The following APC variants were observed in gnomAD, a reference collection of about 807,000 sequenced individuals.
APC encodes adenomatous polyposis coli protein.
A neutral mutation model predicts 247.0 loss-of-function variants in APC; 72 were observed. That is an observed-to-expected ratio of 0.29 (90% CI 0.24 to 0.35). The LOEUF (loss-of-function observed/expected upper bound fraction) is 0.35, where lower values mean the gene tolerates loss of function less well. Among genes scored for constraint, APC ranks in the 10% least tolerant of loss-of-function variants. APC has a pLI of 1.00. For missense variants in APC, 3,400 were observed against 3,360.7 expected, an observed-to-expected ratio of 1.01 and a Z score of -0.29; for synonymous variants, 1,254 against 1,162.5, an observed-to-expected ratio of 1.08 and a Z score of -1.60.
chr5:112,828,712 G>C (rs577297551), intron 13 of APC, 144 bp from the exon 14 acceptor site: 2 of 613,988 alleles, frequency 3.3e-6, no homozygotes, highest in Admixed American at 5.2e-5. Flanking sequence ...GCCTCCCAAA[G>C]TGATAGGATT....
chr5:112,837,535 C>T lies in APC; in HGVS notation c.1959-18C>T, dbSNP rs766663675. 1 of 1,594,120 alleles carries T rather than the reference C, an allele frequency of 6.3e-7. No homozygotes were observed. Among genetic ancestry groups the T allele is most frequent in the Non-Finnish European group, 8.6e-7 (1 of 1,162,414 alleles). ...CACATTGTGACCTTAATTTTGTGAT[C>T]TCTTGATTTTATTTCAGGCAAATCC... On this transcript the variant is annotated intron_variant, in intron 15 of 15. Transcript: ENST00000257430.
chr5:112,831,935 T>C (rs1764345373), intron 14 of APC, among the ~76,000 whole-genome samples: 2 of 152,348 alleles, frequency 1.3e-5, no homozygotes, highest in East Asian at 3.9e-4. Flanking sequence ...GACAGTTGAC[T>C]TTGACTTGCT....
chr5:112,801,505 C>G (rs1760825894), intron 8 of APC, 122 bp downstream of exon 8: 4 of 697,254 alleles, frequency 5.7e-6, no homozygotes, highest in South Asian at 5.3e-5. Flanking sequence ...ATGCATATTT[C>G]CAGAAGCATT....
At chr5:112,759,424 C>G (rs894756323) in intron 2 of APC, among the ~76,000 whole-genome samples, 2 of 134,748 alleles carry the variant, frequency 1.5e-5, no homozygotes, top group African/African-American at 5.7e-5. Context: ...GTGACATGAT[C>G]TTGGCTGTCT....
Position 112,845,492 on chromosome 5 carries a change from A to T in APC, c.*1366A>T. ...ACATGAACACTTTTTATCACCCTGTATGTTAGGGCAAGATCTCAGCAGTGA... is the reference window on the plus strand; with the variant it reads ...ACATGAACACTTTTTATCACCCTGTTTGTTAGGGCAAGATCTCAGCAGTGA... On this transcript the variant is annotated 3_prime_UTR_variant, in exon 16 of 16. Transcript: ENST00000257430. 1 of 233,290 alleles carries T rather than the reference A, an allele frequency of 4.3e-6. No homozygotes were observed. Among genetic ancestry groups the T allele is most frequent in the Non-Finnish European group, 8.5e-6 (1 of 117,782 alleles). 14.5% of individuals were successfully genotyped at this position (233,290 alleles called of 1,614,324 possible).
At chr5:112,782,710 T>C (rs1429893433) in intron 6 of APC, among the ~76,000 whole-genome samples, 1 of 152,184 alleles carries the variant, frequency 6.6e-6, no homozygotes, top group African/African-American at 2.4e-5. Flanking sequence ...GTTTCTGATA[T>C]TAGAGTAGGA....
intron 4 of APC, among the ~76,000 whole-genome samples, chr5:112,770,209 G>A (rs1756886171): frequency 6.6e-6 from 1 of 152,130 alleles, no homozygotes; most frequent in African/African-American, 2.4e-5. Context: ...TAATAAAAAT[G>A]TTCTTAGTTT....
At chr5:112,803,623 G>C (rs1216208535) in intron 8 of APC, among the ~76,000 whole-genome samples, 1 of 152,020 alleles carries the variant, frequency 6.6e-6, no homozygotes, top group Non-Finnish European at 1.5e-5. Context: ...CTTAGTAAAA[G>C]GTAACCGATT....
At chr5:112,719,163 CTT>C (rs765148965) in intron 1 of APC, among the ~76,000 whole-genome samples, 1 of 152,066 alleles carries the variant, frequency 6.6e-6, no homozygotes, top group Non-Finnish European at 1.5e-5. Flanking sequence ...ACAAATTTGT[CTT>C]TTAGTATTTT....
intron 4 of APC, among the ~76,000 whole-genome samples, chr5:112,767,946 C>G: frequency 6.6e-6 from 1 of 151,920 alleles, no homozygotes; most frequent in East Asian, 1.9e-4. Flanking sequence ...ATACTTTGGC[C>G]CACACCTGTA....
chr5:112,710,134 T>C (rs1465910), intron 1 of APC, among the ~76,000 whole-genome samples: 82,503 of 151,854 alleles, frequency 0.54, 22,892 homozygotes, highest in East Asian at 0.8. Context: ...CTTACCTTTC[T>C]AGTCCCCAAT....
Position 112,838,696 on chromosome 5 carries a change from G to A in APC, c.3102G>A (p.Glu1034=), listed in dbSNP as rs1580630877. Residue 1034 remains glutamate (E), a synonymous_variant, in exon 16 of 16, where the codon GAG becomes GAA. Transcript: ENST00000257430. Reference sequence around the variant, plus strand: ...ATTATAGTCTTAAATATTCAGATGAGCAGTTGAACTCTGGAAGGCAAAGTC... The same window carrying A: ...ATTATAGTCTTAAATATTCAGATGAACAGTTGAACTCTGGAAGGCAAAGTC... The part of the protein sequence containing the change: ...PINYSLKYSD[E]QLNSGRQSPS... 2 of 1,614,172 alleles carry A rather than the reference G, an allele frequency of 1.2e-6. No individual in the cohort carries two copies. The highest frequency in any genetic ancestry group is 1.7e-6 in the Non-Finnish European group (2 of 1,180,022).
At chr5:112,801,512 C>T (rs1397948179) in intron 8 of APC, 129 bp downstream of exon 8, 2 of 642,056 alleles carry the variant, frequency 3.1e-6, no homozygotes, top group Admixed American at 2.4e-5. Flanking sequence ...TTTCCAGAAG[C>T]ATTCAGTACC....
chr5:112,720,419 A>T (rs1350773378), intron 1 of APC, among the ~76,000 whole-genome samples: 16 of 152,220 alleles, frequency 1.1e-4, no homozygotes, highest in African/African-American at 3.9e-4. Context: ...CTTGCCTTTA[A>T]AAAACTGAAG....
At chr5:112,832,287 C>G (rs1417332664) in intron 14 of APC, among the ~76,000 whole-genome samples, 4 of 152,070 alleles carry the variant, frequency 2.6e-5, no homozygotes, top group Non-Finnish European at 4.4e-5. Context: ...CCTTTAAATT[C>G]TTGCTTTTTT....
At chr5:112,799,096 C>T (rs1760508795) in intron 7 of APC, among the ~76,000 whole-genome samples, 1 of 145,818 alleles carries the variant, frequency 6.9e-6, no homozygotes, top group African/African-American at 2.6e-5. Flanking sequence ...GTAATCCCAG[C>T]TACTTGGGAG....
intron 12 of APC, 36 bp downstream of exon 12, chr5:112,827,283 C>T (rs992841086): frequency 6.2e-7 from 1 of 1,609,496 alleles, no homozygotes; most frequent in Non-Finnish European, 8.5e-7. Context: ...TAAGATAGCT[C>T]AGGTATGAGT....
At chr5:112,788,942 A>G (rs984850848) in intron 6 of APC, among the ~76,000 whole-genome samples, 4 of 152,150 alleles carry the variant, frequency 2.6e-5, no homozygotes, top group Non-Finnish European at 5.9e-5. Context: ...ACTCTAATAC[A>G]TCTTTGAATG....
chr5:112,796,014 G>C (rs181844842), intron 7 of APC, among the ~76,000 whole-genome samples: 1 of 152,184 alleles, frequency 6.6e-6, no homozygotes. Context: ...TGCGGTTTCT[G>C]AATGTATTGA....
Sources: allele counts gnomAD v4.1 joint callset (sites outside exome capture counted in the v4.1 genomes callset), GRCh38; gene constraint gnomAD v4.1.1; transcripts MANE v1.5; gene names NCBI Gene and HGNC (gene_info 2026-07-23, HGNC 2026-07-21).